SERGEF: variants seen among roughly 807,000 people sequenced by gnomAD.
The protein encoded by SERGEF is secretion-regulating guanine nucleotide exchange factor.
In SERGEF, 51 loss-of-function variants were observed where a neutral mutation model predicts 50.0. The ratio of observed to expected loss-of-function variants is 1.02; its 90% CI spans 0.81 to 1.29. SERGEF has a LOEUF of 1.29. SERGEF is among the 50% of genes most tolerant of loss of function. SERGEF has a pLI of 0.00. For missense variants in SERGEF, 521 were observed against 557.0 expected (o/e 0.94, Z 0.65); for synonymous variants, 205 against 212.4 (o/e 0.97, Z 0.30).
At chr11:17,970,020 A>G (rs540244606) in intron 8 of SERGEF, among the ~76,000 whole-genome samples, 40 of 152,328 alleles carry the variant, frequency 2.6e-4, no homozygotes, top group African/African-American at 7.9e-4. Context: ...GTAAGACTAG[A>G]CTAGAACCCA....
chr11:17,949,428 T>C (rs1218301998), intron 9 of SERGEF, among the ~76,000 whole-genome samples: 8 of 151,854 alleles, frequency 5.3e-5, no homozygotes. Flanking sequence ...ACAGCAACCC[T>C]TGGAATCAAG....
At position 17,865,353 on chromosome 11, in the gene SERGEF, C is replaced by G. The variant is rs478299; in HGVS notation, c.1048+12855G>C. Among the ~76,000 whole-genome samples the G allele has an allele frequency of 9.0e-3, 1,374 of 152,170 alleles. 17 individuals carry two copies. The highest frequency in any genetic ancestry group is 0.03 in the African/African-American group (1,255 of 41,504). ...TGGTTTGTGTATTTACTATACTATACTTTTTATTGTTATTTTGGAGTGTAT... is the reference window on the plus strand; with the variant it reads ...TGGTTTGTGTATTTACTATACTATAGTTTTTATTGTTATTTTGGAGTGTAT... On this transcript the variant is annotated intron_variant, in intron 10 of 10. Transcript: ENST00000265965.
intron 10 of SERGEF, among the ~76,000 whole-genome samples, chr11:17,813,198 A>G (rs1045539427): frequency 1.3e-5 from 2 of 152,198 alleles, no homozygotes; most frequent in Admixed American, 1.3e-4. Context: ...TATCCTGTCT[A>G]CCTCACGAAG....
chr11:17,973,378 C>T (rs61884494), intron 8 of SERGEF, among the ~76,000 whole-genome samples: 17,342 of 152,250 alleles, frequency 0.11, 1,303 homozygotes, highest in Middle Eastern at 0.22. Flanking sequence ...CAGGACCCCA[C>T]CTCTGAAACC....
chr11:17,920,763 C>G (rs1852139803), intron 9 of SERGEF, among the ~76,000 whole-genome samples: 3 of 152,282 alleles, frequency 2.0e-5, no homozygotes, highest in Admixed American at 2.0e-4. Context: ...GGGAGCAGGT[C>G]TACGTATGCA....
intron 9 of SERGEF, among the ~76,000 whole-genome samples, chr11:17,919,318 A>T (rs1372818075): frequency 6.6e-6 from 1 of 152,100 alleles, no homozygotes; most frequent in East Asian, 1.9e-4. Flanking sequence ...GGGTAAGGGG[A>T]GGGATGGAGA....
intron 10 of SERGEF, among the ~76,000 whole-genome samples, chr11:17,864,221 A>T (rs1396144057): frequency 6.6e-6 from 1 of 152,208 alleles, no homozygotes; most frequent in African/African-American, 2.4e-5. Context: ...AAGCAACCCT[A>T]AAAAGGACCA....
chr11:17,824,608 C>T (rs1286361569), intron 10 of SERGEF, among the ~76,000 whole-genome samples: 5 of 152,160 alleles, frequency 3.3e-5, no homozygotes, highest in South Asian at 2.1e-4. Context: ...AGAAGCTAGA[C>T]GTCTACAATC....
intron 6 of SERGEF, 55 bp from the exon 7 acceptor site, chr11:17,993,048 A>T: frequency 6.8e-7 from 1 of 1,473,742 alleles, no homozygotes; most frequent in Non-Finnish European, 9.4e-7. Flanking sequence ...CAAACTGGGC[A>T]GAGAGGGGGC....
intron 9 of SERGEF, among the ~76,000 whole-genome samples, chr11:17,886,637 C>A (rs4757599): frequency 0.24 from 36,707 of 151,820 alleles, 4,528 homozygotes; most frequent in Middle Eastern, 0.3. Context: ...AACAAACAAA[C>A]AAAAAAACCT....
intron 10 of SERGEF, among the ~76,000 whole-genome samples, chr11:17,867,520 G>A (rs1157108421): frequency 6.6e-6 from 1 of 152,234 alleles, no homozygotes; most frequent in Admixed American, 6.5e-5. Flanking sequence ...TTGGCACTGA[G>A]TGTCTGTGGC....
chr11:17,842,889 A>G (rs923057932), intron 10 of SERGEF, among the ~76,000 whole-genome samples: 1 of 152,184 alleles, frequency 6.6e-6, no homozygotes, highest in African/African-American at 2.4e-5. Context: ...CAGTTCCAAC[A>G]CAGAGTGTGT....
chr11:17,829,495 C>T (rs1168599460), intron 10 of SERGEF, among the ~76,000 whole-genome samples: 6 of 152,138 alleles, frequency 3.9e-5, no homozygotes, highest in Admixed American at 6.6e-5. Flanking sequence ...TAACCATTAT[C>T]GTTTTACCTT....
chr11:17,905,068 A>T (rs1851812534), intron 9 of SERGEF, among the ~76,000 whole-genome samples: 1 of 152,250 alleles, frequency 6.6e-6, no homozygotes, highest in Admixed American at 6.5e-5. Flanking sequence ...ACTTTAGTAC[A>T]TCTATAAGAA....
intron 7 of SERGEF, among the ~76,000 whole-genome samples, chr11:17,989,632 G>A (rs1470770170): frequency 1.3e-5 from 2 of 152,214 alleles, no homozygotes; most frequent in Non-Finnish European, 2.9e-5. Flanking sequence ...TTAGCCTATG[G>A]CTTGTCAATT....
chr11:17,830,601 GGA>G (rs71962769), intron 10 of SERGEF, among the ~76,000 whole-genome samples: 34,925 of 90,214 alleles, frequency 0.39, 7,280 homozygotes, highest in East Asian at 0.78. Context: ...GGAGAGAGGT[GGA>G]GAGAGAGAGA....
intron 6 of SERGEF, 78 bp downstream of exon 6, chr11:17,995,718 T>C (rs909014081): frequency 7.9e-6 from 8 of 1,011,036 alleles, no homozygotes; most frequent in African/African-American, 4.8e-5. Flanking sequence ...CAAAAATCCA[T>C]TTAATCCTCT....
intron 10 of SERGEF, among the ~76,000 whole-genome samples, chr11:17,868,709 C>T (rs1270469062): frequency 6.6e-6 from 1 of 152,154 alleles, no homozygotes; most frequent in East Asian, 1.9e-4. Flanking sequence ...ATTTAATGGA[C>T]TTACAGTTCC....
At chr11:17,977,854 T>C (rs1218235941) in intron 8 of SERGEF, among the ~76,000 whole-genome samples, 2 of 152,186 alleles carry the variant, frequency 1.3e-5, no homozygotes, top group Non-Finnish European at 2.9e-5. Flanking sequence ...CCAAATCTTC[T>C]GGTATTTTGA....
Sources: allele counts gnomAD v4.1 joint callset (sites outside exome capture counted in the v4.1 genomes callset), GRCh38; gene constraint gnomAD v4.1.1; transcripts MANE v1.5; gene names NCBI Gene and HGNC (gene_info 2026-07-23, HGNC 2026-07-21).